Variants in CSRNP2 observed in about 807,000 individuals in gnomAD.
CSRNP2 encodes cysteine and serine rich nuclear protein 2.
Under a neutral mutation model 36.6 loss-of-function variants are expected in CSRNP2, and 11 were observed. That is an observed-to-expected ratio of 0.30 (90% CI 0.19 to 0.50). The LOEUF is 0.50. Ranked by LOEUF, CSRNP2 falls within the 20% of genes least tolerant of loss-of-function variation. The pLI is 0.98. For synonymous variants in CSRNP2, 248 were observed against 275.3 expected (o/e 0.90, Z 0.98); for missense variants, 483 against 691.4 (o/e 0.70, Z 3.38).
chr12:51,079,689 T>C (rs1939542486), intron 1 of CSRNP2, among the ~76,000 whole-genome samples: 2 of 145,164 alleles, frequency 1.4e-5, no homozygotes, highest in Admixed American at 1.5e-4. Flanking sequence ...GGAGAATCGC[T>C]TGAACCCGGG....
chr12:51,071,226 C>T (rs1243123019), intron 3 of CSRNP2, among the ~76,000 whole-genome samples: 2 of 150,312 alleles, frequency 1.3e-5, no homozygotes, highest in African/African-American at 4.9e-5. Flanking sequence ...CGCCACTGCA[C>T]TCCAGCCTGG....
chr12:51,063,618 A>G lies in CSRNP2; in HGVS notation c.*128T>C, dbSNP rs1210371045. On this transcript the variant is annotated 3_prime_UTR_variant, in exon 5 of 5. Coordinates refer to ENST00000228515, the MANE Select transcript of CSRNP2 (RefSeq NM_030809.3). The stretch of plus-strand genomic sequence containing the variant: ...ATACTCAAACAATCCTTTCCCACCC[A>G]TTCCCCAAAGACCCCAATAAAATAA... 5 of 731,512 alleles carry G rather than the reference A, an allele frequency of 6.8e-6. No individual in the cohort carries two copies. The highest frequency in any genetic ancestry group is 6.4e-6 in the Non-Finnish European group (3 of 469,942). 45.3% of individuals were successfully genotyped at this position (731,512 alleles called of 1,614,324 possible).
chr12:51,073,281 G>C lies in CSRNP2; in HGVS notation c.411+542C>G, dbSNP rs114322690. 5.9e-3 allele frequency among the ~76,000 whole-genome samples: 891 copies of C among 152,128 alleles called. 6 individuals carry two copies. The highest frequency in any genetic ancestry group is 0.019 in the African/African-American group (785 of 41,484). On this transcript the variant is annotated intron_variant, in intron 3 of 4. Transcript: ENST00000228515. ...AAATTGAGGGAGGCAGTGGGGGTTT[G>C]GGAGGGGGAAATTCTAGGGAAGCCA...
intron 3 of CSRNP2, among the ~76,000 whole-genome samples, chr12:51,073,449 C>T (rs558367592): frequency 6.6e-6 from 1 of 151,400 alleles, no homozygotes; most frequent in Non-Finnish European, 1.5e-5. Context: ...AAAAAAAAAT[C>T]AGCTGGGTGC....
In CSRNP2 at chr12:51,080,127, AGCAGGCAGGCAGGCAGGCAGGCAGGCAG is replaced by A. The variant is rs138392211; in HGVS notation, c.-87+3184_-87+3211del. Among the ~76,000 whole-genome samples the A allele has an allele frequency of 1.6e-3, 225 of 137,918 alleles. 1 individual carries two copies. The highest frequency in any genetic ancestry group is 5.4e-3 in the African/African-American group (196 of 36,624). The allele number at this position is 137,918 out of a possible 152,430, so 90.5% of individuals were successfully genotyped here. ...GGGAGGGAGGGAAGAGAAGAAGGCA[AGCAGGCAGGCAGGCAGGCAGGCAGGCAG>A]GCAGGCAGGCAGGCAGGCAGGCGGT... On this transcript the variant is annotated intron_variant, in intron 1 of 4. Transcript: ENST00000228515.
At chr12:51,080,777 T>C (rs936983136) in intron 1 of CSRNP2, among the ~76,000 whole-genome samples, 2 of 152,128 alleles carry the variant, frequency 1.3e-5, no homozygotes, top group African/African-American at 4.8e-5. Context: ...CCAACAACAA[T>C]GTAAGATTAA....
intron 1 of CSRNP2, chr12:51,082,553 T>A (rs1211201047): frequency 6.6e-6 from 1 of 152,204 alleles, no homozygotes; most frequent in Non-Finnish European, 1.5e-5. Flanking sequence ...AAGGGGACAG[T>A]GTTGTCTTGT....
At position 51,064,215 on chromosome 12, in the gene CSRNP2, C is replaced by A. The variant is rs1366197778; in HGVS notation, c.1163G>T (p.Gly388Val). Residue 388 changes from glycine to valine, a missense_variant, in exon 5 of 5, where the codon GGC (glycine) becomes GTC (valine). By Grantham distance (109) the Gly-to-Val change is moderately radical (BLOSUM62 -3). This residue lies in a region of CSRNP2 where 277 missense variants were observed against 323.6 expected (regional missense o/e 0.86). Transcript: ENST00000228515. ...CTCGGTAAAACACAGGACAGAGGAG[C>A]CTGGGGGCAGCTGAGCCTGGATGAG... is the stretch of plus-strand genomic sequence containing the variant. ...PILIQAQLPP[G>V]SSVLCFTENS... 1.2e-6 allele frequency: 2 copies of A among 1,613,700 alleles called. No individual in the cohort carries two copies. Among genetic ancestry groups the A allele is most frequent in the Non-Finnish European group, 1.7e-6 (2 of 1,179,932 alleles).
rs749899593 is a variant in CSRNP2, at chr12:51,063,717, T to A, written c.*29A>T. 2 of 1,472,404 alleles carry A rather than the reference T, an allele frequency of 1.4e-6. No individual in the cohort carries two copies. Among genetic ancestry groups the A allele is most frequent in the Non-Finnish European group, 1.8e-6 (2 of 1,102,098 alleles). The allele number at this position is 1,472,404 out of a possible 1,614,324, so 91.2% of individuals were successfully genotyped here. ...ATAAAATAAGGGAATAAATAGAGAA[T>A]GGGTAAGAGGCAGGACCTCTAGCGC... On this transcript the variant is annotated 3_prime_UTR_variant, in exon 5 of 5. Coordinates refer to ENST00000228515, the MANE Select transcript of CSRNP2 (RefSeq NM_030809.3).
intron 3 of CSRNP2, 46 bp from the exon 4 acceptor site, chr12:51,068,015 G>A (rs1182136240): frequency 1.3e-6 from 2 of 1,564,082 alleles, no homozygotes; most frequent in Non-Finnish European, 1.7e-6. Flanking sequence ...TGAGCGGCAT[G>A]CACCTCCTCA....
rs1197158844 is a variant in CSRNP2, at chr12:51,076,577, T to C, written c.-16A>G. On this transcript the variant is annotated 5_prime_UTR_variant, in exon 2 of 5. Transcript: ENST00000228515. ...ATGCATCCATTGGTTTCAAAGGGGT[T>C]TCCTTGGGGAGCCCACCAAGTTGGC... 1.2e-6 allele frequency: 2 copies of C among 1,613,590 alleles called. No homozygotes were observed. The highest frequency in any genetic ancestry group is 2.2e-5 in the South Asian group (2 of 91,078).
At chr12:51,066,397 G>A (rs1170284822) in intron 4 of CSRNP2, among the ~76,000 whole-genome samples, 17 of 149,972 alleles carry the variant, frequency 1.1e-4, no homozygotes, top group Non-Finnish European at 2.2e-4. Flanking sequence ...AGGTTGCAGC[G>A]AGCCGAGATC....
At chr12:51,075,508 A>G (rs964893224) in intron 2 of CSRNP2, among the ~76,000 whole-genome samples, 1 of 152,218 alleles carries the variant, frequency 6.6e-6, no homozygotes. Context: ...AGAAAATTCC[A>G]TTGGATAGCA....
In CSRNP2 at chr12:51,063,191, T is replaced by C. The variant is rs534467438; in HGVS notation, c.*555A>G. The stretch of plus-strand genomic sequence containing the variant: ...ATTAACTTATTTACCAAATATGGGA[T>C]TGAAGGAAGGCAGGTTACATTTTTG... On this transcript the variant is annotated 3_prime_UTR_variant, in exon 5 of 5. Coordinates refer to ENST00000228515, the MANE Select transcript of CSRNP2 (RefSeq NM_030809.3). 6 of 152,304 alleles carry C rather than the reference T, an allele frequency of 3.9e-5. No homozygotes were observed. The highest frequency in any genetic ancestry group is 1.4e-4 in the African/African-American group (6 of 41,550). 9.4% of individuals were successfully genotyped at this position (152,304 alleles called of 1,614,324 possible).
chr12:51,064,220 G>A lies in CSRNP2; in HGVS notation c.1158C>T (p.Pro386=). ...TAAAACACAGGACAGAGGAGCCTGG[G>A]GGCAGCTGAGCCTGGATGAGAATGG... ...TAPILIQAQL[P]PGSSVLCFTE... The change falls in exon 5 of 5, where the codon CCC becomes CCT. Residue 386 remains proline, a synonymous_variant. Coordinates refer to ENST00000228515, the MANE Select transcript of CSRNP2 (RefSeq NM_030809.3). 1.2e-6 allele frequency: 2 copies of A among 1,613,876 alleles called. No individual in the cohort carries two copies. The highest frequency in any genetic ancestry group is 1.1e-5 in the South Asian group (1 of 91,076).
At chr12:51,071,867 C>T (rs765601845) in intron 3 of CSRNP2, among the ~76,000 whole-genome samples, 10 of 152,078 alleles carry the variant, frequency 6.6e-5, no homozygotes, top group Non-Finnish European at 1.3e-4. Context: ...GCTGTTGCTA[C>T]GGCAGCTGGA....
rs746336604 is a variant in CSRNP2 at position 51,061,546 on chromosome 12, T to C, written c.*2200A>G. Reference sequence around the variant, plus strand: ...CTAGGTTGTAGAGAAGGCCTTTCGCTTGACAAGACAGTTAATGCTAAATGT... The same window carrying C: ...CTAGGTTGTAGAGAAGGCCTTTCGCCTGACAAGACAGTTAATGCTAAATGT... On this transcript the variant is annotated 3_prime_UTR_variant, in exon 5 of 5. Transcript: ENST00000228515. 1 of 152,640 alleles carries C rather than the reference T, an allele frequency of 6.6e-6. No individual in the cohort carries two copies. Among genetic ancestry groups the C allele is most frequent in the African/African-American group, 2.4e-5 (1 of 41,448 alleles). 9.5% of individuals were successfully genotyped at this position (152,640 alleles called of 1,614,324 possible).
At chr12:51,081,174 G>A (rs2136936374) in intron 1 of CSRNP2, among the ~76,000 whole-genome samples, 1 of 152,244 alleles carries the variant, frequency 6.6e-6, no homozygotes, top group East Asian at 1.9e-4. Context: ...TGTCGTCTCA[G>A]CTACTTGGGA....
rs749407567 is a variant in CSRNP2 at position 51,064,355 on chromosome 12, ATCT to A, written c.1020_1022del (p.Glu340del). ...CCAGGCTGGCACTAGAGCCGCTGGA[ATCT>A]TCTTCTGCCTTGAGCCGCTCCAGTT... On this transcript the variant is annotated inframe_deletion, in exon 5 of 5. Transcript: ENST00000228515. 2.3e-5 allele frequency: 37 copies of A among 1,614,182 alleles called. No individual in the cohort carries two copies. In the East Asian group the frequency reaches 2.7e-4, roughly 12 times the overall value.
Sources: gnomAD v4.1 joint callset for allele counts (sites outside exome capture counted in the v4.1 genomes callset) on GRCh38, gnomAD v4.1.1 for gene constraint, gnomAD v4.1.1 regional missense constraint, MANE v1.5 for transcripts, NCBI Gene and HGNC (gene_info 2026-07-23, HGNC 2026-07-21) for gene names.